The following ABCC1 variants were observed in gnomAD, a reference collection of about 807,000 sequenced individuals.
ABCC1 encodes the protein multidrug resistance-associated protein 1.
A neutral mutation model predicts 172.9 loss-of-function variants in ABCC1; 83 were observed. That is an observed-to-expected ratio of 0.48 (90% CI 0.40 to 0.58). The LOEUF (loss-of-function observed/expected upper bound fraction) is 0.58, where lower values mean the gene tolerates loss of function less well. Ranked by LOEUF, ABCC1 falls within the 20% of genes least tolerant of loss-of-function variation. The probability of loss-of-function intolerance (pLI) is 0.00; values close to 1 mark genes in which losing one functional copy is unlikely to be tolerated. For missense variants in ABCC1, 1,817 were observed against 2,002.7 expected, an observed-to-expected ratio of 0.91 and a Z score of 1.77; for synonymous variants, 937 against 825.2, an observed-to-expected ratio of 1.14 and a Z score of -2.32.
chr16:16,047,056 G>C (rs1390680833), intron 9 of ABCC1, among the ~76,000 whole-genome samples: 2 of 152,064 alleles, frequency 1.3e-5, no homozygotes, highest in Non-Finnish European at 2.9e-5. Flanking sequence ...AAATTAGCCA[G>C]GTATGGTGGT....
chr16:16,013,830 G>A (rs2047888800), intron 3 of ABCC1, among the ~76,000 whole-genome samples: 3 of 152,090 alleles, frequency 2.0e-5, no homozygotes, highest in South Asian at 2.1e-4. Flanking sequence ...GACCAGCTGC[G>A]GAGAAAAGCA....
At chr16:16,113,199 T>G (rs1187408060) in intron 22 of ABCC1, among the ~76,000 whole-genome samples, 1 of 151,974 alleles carries the variant, frequency 6.6e-6, no homozygotes, top group East Asian at 1.9e-4. Flanking sequence ...TCCTTGCCAT[T>G]AGGGGAAAGG....
At chr16:16,125,276 C>T (rs1415107061) in intron 25 of ABCC1, among the ~76,000 whole-genome samples, 1 of 152,044 alleles carries the variant, frequency 6.6e-6, no homozygotes, top group African/African-American at 2.4e-5. Context: ...AAATATTTTC[C>T]AGTTTCTTAT....
chr16:16,026,542 C>T (rs1271608332), intron 5 of ABCC1, among the ~76,000 whole-genome samples: 5 of 121,484 alleles, frequency 4.1e-5, no homozygotes. Context: ...TTGAGATAAT[C>T]TGAAAATCTG....
chr16:15,961,286 T>G (rs1254488822), intron 1 of ABCC1, among the ~76,000 whole-genome samples: 5 of 152,184 alleles, frequency 3.3e-5, no homozygotes, highest in Admixed American at 3.3e-4. Flanking sequence ...GCCAAAGGCT[T>G]GTTCGTAAGA....
chr16:16,102,223 A>G (rs980233521), intron 19 of ABCC1, among the ~76,000 whole-genome samples: 28 of 152,120 alleles, frequency 1.8e-4, no homozygotes, highest in Non-Finnish European at 1.9e-4. Flanking sequence ...TCTTCTTTCA[A>G]TGCTTGGGAA....
intron 26 of ABCC1, among the ~76,000 whole-genome samples, chr16:16,129,636 C>T (rs973686555): frequency 1.3e-5 from 2 of 150,170 alleles, no homozygotes; most frequent in Non-Finnish European, 3.0e-5. Flanking sequence ...CTCCCAGATT[C>T]TAGTGATCGT....
rs114852553 is a variant in ABCC1, at chr16:16,131,643, A to G, written c.3820-146A>G. ...GATGCAAGGGGGTCATTTGGGGAAT[A>G]ACATTCCAGGAAGGGCAACCCCCCA... On this transcript the variant is annotated intron_variant, in intron 26 of 30. Transcript: ENST00000399410. The G allele has an allele frequency of 5.5e-4, 453 of 823,152 alleles. 4 individuals are homozygous for G. The African/African-American group carries it at 7.3e-3, about 13-fold the overall frequency. The allele number at this position is 823,152 out of a possible 1,614,324, so 51.0% of individuals were successfully genotyped here. A position where few individuals can be genotyped will look rare whatever the true frequency, so the allele number is the denominator to read the frequency against.
chr16:16,008,357 T>G (rs1300946307), intron 2 of ABCC1, among the ~76,000 whole-genome samples: 1 of 151,614 alleles, frequency 6.6e-6, no homozygotes, highest in Non-Finnish European at 1.5e-5. Flanking sequence ...ATATAGATTT[T>G]TTCTGGCCAA....
chr16:16,138,708 C>A, intron 30 of ABCC1, 150 bp downstream of exon 30: 1 of 468,040 alleles, frequency 2.1e-6, no homozygotes, highest in Non-Finnish European at 3.5e-6. Flanking sequence ...ATGGTACCAG[C>A]TATTTCTTTT....
intron 7 of ABCC1, among the ~76,000 whole-genome samples, chr16:16,039,127 A>G (rs1288645926): frequency 6.6e-6 from 1 of 151,994 alleles, no homozygotes; most frequent in Non-Finnish European, 1.5e-5. Flanking sequence ...TGAAACATGC[A>G]TTGACAAGAA....
Position 16,100,093 on chromosome 16 carries a change from GA to G in ABCC1, c.2645-2523del, listed in dbSNP as rs540335695. Among the ~76,000 whole-genome samples, 366 of 146,600 alleles carry G rather than the reference GA, an allele frequency of 2.5e-3. 3 individuals are homozygous for G. The highest frequency in any genetic ancestry group is 0.018 in the East Asian group (92 of 5,064). On this transcript the variant is annotated intron_variant, in intron 19 of 30. Transcript: ENST00000399410. ...AGAGAAGACCTTGTCTCAAGACAAG[GA>G]AAAAAAAAAATGCTGAGAGGATGGT...
chr16:16,135,044 C>T (rs1315431507), intron 28 of ABCC1, among the ~76,000 whole-genome samples: 1 of 152,192 alleles, frequency 6.6e-6, no homozygotes, highest in Non-Finnish European at 1.5e-5. Flanking sequence ...GTCCCGACTT[C>T]CTGTCCCCGG....
chr16:16,052,190 C>G (rs567367999), intron 10 of ABCC1, among the ~76,000 whole-genome samples: 1 of 151,880 alleles, frequency 6.6e-6, no homozygotes, highest in African/African-American at 2.4e-5. Context: ...ATAGTGAGAC[C>G]TTGTCCTTAC....
intron 23 of ABCC1, among the ~76,000 whole-genome samples, chr16:16,119,727 C>CCTGAACAAATAT (rs2152109047): frequency 6.6e-6 from 1 of 152,228 alleles, no homozygotes; most frequent in South Asian, 2.1e-4. Flanking sequence ...AAATATTCAT[C>CCTGAACAAATAT]TCAGGTTAGA....
chr16:16,061,177 G>A (rs1344211746), intron 12 of ABCC1, among the ~76,000 whole-genome samples: 1 of 152,146 alleles, frequency 6.6e-6, no homozygotes, highest in Admixed American at 6.6e-5. Flanking sequence ...CACCCACCTC[G>A]GCCTCCTAAA....
intron 1 of ABCC1, among the ~76,000 whole-genome samples, chr16:15,965,201 A>G (rs934024345): frequency 6.6e-6 from 1 of 151,874 alleles, no homozygotes; most frequent in African/African-American, 2.4e-5. Context: ...TAAATGTCCA[A>G]TCGATAGTTC....
intron 27 of ABCC1, among the ~76,000 whole-genome samples, chr16:16,132,536 T>TC (rs2045742629): frequency 8.5e-5 from 12 of 141,036 alleles, no homozygotes; most frequent in African/African-American, 3.2e-4. Flanking sequence ...TTTTTTTTTT[T>TC]TTTGAGATGG....
chr16:16,044,212 G>A (rs2049103830), intron 7 of ABCC1, among the ~76,000 whole-genome samples: 2 of 152,206 alleles, frequency 1.3e-5, no homozygotes, highest in South Asian at 4.1e-4. Flanking sequence ...AGAGCTTAAG[G>A]ACCTTGTCTG....
Sources: allele counts gnomAD v4.1 joint callset (sites outside exome capture counted in the v4.1 genomes callset), GRCh38; gene constraint gnomAD v4.1.1; transcripts MANE v1.5; gene names NCBI Gene and HGNC (gene_info 2026-07-23, HGNC 2026-07-21).